The following PDE10A variants were observed in gnomAD, a reference collection of about 807,000 sequenced individuals.
The protein encoded by PDE10A is phosphodiesterase 10A, also known as cAMP and cAMP-inhibited cGMP 3',5'-cyclic phosphodiesterase 10A.
Under a neutral mutation model 97.7 loss-of-function variants are expected in PDE10A, and 39 were observed. The observed-to-expected ratio is 0.40, with a 90% confidence interval of 0.31 to 0.52. The LOEUF is 0.52. Ranked by LOEUF, PDE10A falls within the 20% of genes least tolerant of loss-of-function variation. PDE10A has a pLI of 0.56. For missense variants in PDE10A, 731 were observed against 1,047.8 expected, an observed-to-expected ratio of 0.70 and a Z score of 4.17; for synonymous variants, 371 against 376.8, an observed-to-expected ratio of 0.98 and a Z score of 0.18.
chr6:165,596,676 GCCATGATTGTA>G (rs1263297185), intron 1 of PDE10A, among the ~76,000 whole-genome samples: 2 of 152,154 alleles, frequency 1.3e-5, no homozygotes, highest in Non-Finnish European at 2.9e-5. Context: ...GCTGCAGGTA[GCCATGATTGTA>G]CCACTGCACT....
intron 1 of PDE10A, among the ~76,000 whole-genome samples, chr6:165,736,236 T>A (rs771608544): frequency 2.6e-5 from 4 of 152,190 alleles, no homozygotes; most frequent in African/African-American, 9.7e-5. Flanking sequence ...GACATCAGTA[T>A]GATGGCAGAA....
At chr6:165,917,812 T>C (rs1163589873) in intron 1 of PDE10A, among the ~76,000 whole-genome samples, 2 of 152,140 alleles carry the variant, frequency 1.3e-5, no homozygotes, top group Non-Finnish European at 2.9e-5. Context: ...TCTCCTCTTC[T>C]GCATCCCAGA....
chr6:165,982,139 C>T (rs140275491), intron 1 of PDE10A, among the ~76,000 whole-genome samples: 2 of 152,294 alleles, frequency 1.3e-5, no homozygotes, highest in East Asian at 3.9e-4. Context: ...CATATGTTCA[C>T]TCAGTCACTG....
intron 1 of PDE10A, among the ~76,000 whole-genome samples, chr6:165,923,358 A>G (rs1232294373): frequency 6.6e-6 from 1 of 152,260 alleles, no homozygotes. Flanking sequence ...AACAAGGCCT[A>G]TTCCAGGTGT....
In PDE10A at chr6:165,917,731, C is replaced by T. The variant is rs1264841382; in HGVS notation, c.-615+69798G>A. Among the ~76,000 whole-genome samples the T allele has an allele frequency of 3.9e-5, 6 of 152,342 alleles. No homozygotes were observed. The South Asian group carries it at 1.2e-3, about 32-fold the overall frequency. ...TGATGAGTCCGGACCCGGGGAGCAC[C>T]CCAGGCCAGGCTTTCCCCAACGCCC... On this transcript the variant is annotated intron_variant, in intron 1 of 19. Coordinates refer to the PDE10A transcript ENST00000366882.
At chr6:165,692,612 T>A (rs4334957) in intron 1 of PDE10A, among the ~76,000 whole-genome samples, 102,105 of 152,058 alleles carry the variant, frequency 0.67, 37,687 homozygotes, top group Non-Finnish European at 0.84. Flanking sequence ...ACTGGTTAAA[T>A]ATATCAAGAG....
intron 1 of PDE10A, among the ~76,000 whole-genome samples, chr6:165,914,002 T>C (rs983434015): frequency 6.6e-6 from 1 of 152,226 alleles, no homozygotes; most frequent in Admixed American, 6.5e-5. Flanking sequence ...TTCCAAAAAT[T>C]TCAATATTCT....
intron 3 of PDE10A, among the ~76,000 whole-genome samples, chr6:165,463,802 G>A (rs765888244): frequency 6.6e-6 from 1 of 152,150 alleles, no homozygotes; most frequent in African/African-American, 2.4e-5. Context: ...ACCGGAATGA[G>A]GGCAAGGAAT....
chr6:165,942,313 T>C (rs879085618), intron 1 of PDE10A, among the ~76,000 whole-genome samples: 27 of 134,622 alleles, frequency 2.0e-4, no homozygotes, highest in African/African-American at 7.1e-4. Context: ...TACACACACA[T>C]ATATGCGCAC....
intron 1 of PDE10A, among the ~76,000 whole-genome samples, chr6:165,865,033 C>A (rs956450794): frequency 2.0e-5 from 3 of 152,164 alleles, no homozygotes; most frequent in East Asian, 1.9e-4. Context: ...TTACCACCAC[C>A]TGGAAGCTCA....
At chr6:165,900,129 C>G (rs539125050) in intron 1 of PDE10A, among the ~76,000 whole-genome samples, 50 of 152,294 alleles carry the variant, frequency 3.3e-4, no homozygotes, top group African/African-American at 1.2e-3. Flanking sequence ...GAGATGTGCT[C>G]TCTGTCCTAG....
At chr6:165,546,539 G>A (rs565440973) in intron 1 of PDE10A, among the ~76,000 whole-genome samples, 1 of 152,178 alleles carries the variant, frequency 6.6e-6, no homozygotes, top group African/African-American at 2.4e-5. Flanking sequence ...GAAGCGGGTG[G>A]CAGAGGATAA....
chr6:165,933,346 T>G (rs1315770505), intron 1 of PDE10A, among the ~76,000 whole-genome samples: 1 of 152,168 alleles, frequency 6.6e-6, no homozygotes, highest in East Asian at 1.9e-4. Flanking sequence ...CTTCTCTTTT[T>G]AAGCACCTTG....
chr6:165,852,778 C>G (rs1208313483), intron 1 of PDE10A, among the ~76,000 whole-genome samples: 1 of 152,218 alleles, frequency 6.6e-6, no homozygotes, highest in East Asian at 1.9e-4. Context: ...AATTTTCTCT[C>G]TGTGCACATG....
At chr6:165,840,485 A>C (rs1780229863) in intron 1 of PDE10A, among the ~76,000 whole-genome samples, 1 of 152,190 alleles carries the variant, frequency 6.6e-6, no homozygotes, top group South Asian at 2.1e-4. Context: ...CATATAAGAA[A>C]AAGCAGATGT....
intron 1 of PDE10A, among the ~76,000 whole-genome samples, chr6:165,883,007 G>A (rs538258488): frequency 1.2e-4 from 18 of 152,162 alleles, no homozygotes; most frequent in African/African-American, 1.7e-4. Flanking sequence ...AGGCGGAGGC[G>A]GGCAGATTGC....
At chr6:165,515,523 C>CTTTTTTTT (rs376897417) in intron 2 of PDE10A, among the ~76,000 whole-genome samples, 11 of 124,534 alleles carry the variant, frequency 8.8e-5, no homozygotes, top group Non-Finnish European at 1.2e-4. Context: ...TGCTTTTGTT[C>CTTTTTTTT]TTTTTTTTTT....
chr6:165,748,753 C>T lies in PDE10A; in HGVS notation c.-614-205185G>A, dbSNP rs999222926. Among the ~76,000 whole-genome samples the T allele has an allele frequency of 2.6e-5, 4 of 151,856 alleles. No homozygotes were observed. The East Asian group carries it at 5.8e-4, about 22-fold the overall frequency. ...CAGGTGAACAGAAATGCACACAGTG[C>T]GTGAAGTTTCAAGGCACTTAGTGTT... On this transcript the variant is annotated intron_variant, in intron 1 of 19. Coordinates refer to the PDE10A transcript ENST00000366882.
At chr6:165,857,549 C>T (rs1780773266) in intron 1 of PDE10A, among the ~76,000 whole-genome samples, 1 of 152,184 alleles carries the variant, frequency 6.6e-6, no homozygotes, top group African/African-American at 2.4e-5. Flanking sequence ...CTGTTGAGGA[C>T]ACCGGCATCC....
Sources: gnomAD v4.1 joint callset for allele counts (sites outside exome capture counted in the v4.1 genomes callset) on GRCh38, gnomAD v4.1.1 for gene constraint, MANE v1.5 for transcripts, NCBI Gene and HGNC (gene_info 2026-07-23, HGNC 2026-07-21) for gene names.